DDI2: variants seen among roughly 807,000 people sequenced by gnomAD.
The protein encoded by DDI2 is DDI proteasomal shuttling factor 2.
DDI2 carries 5 observed loss-of-function variants against 48.1 expected under a neutral mutation model. The ratio of observed to expected loss-of-function variants is 0.10; its 90% CI spans 0.05 to 0.22. The LOEUF is 0.22. DDI2 is among the 10% of genes least tolerant of loss of function. DDI2 has a pLI of 1.00. For synonymous variants in DDI2, 205 were observed against 183.6 expected (o/e 1.12, Z -0.94); for missense variants, 285 against 506.2 (o/e 0.56, Z 4.19).
At chr1:15,638,529 AC>A in intron 5 of DDI2, 95 bp downstream of exon 5, 154 of 787,746 alleles carry the variant, frequency 2.0e-4, no homozygotes, top group South Asian at 4.2e-4. Flanking sequence ...AGATGGCTGT[AC>A]TTTTTTTTTT....
Position 15,661,223 on chromosome 1 carries a change from G to A in DDI2, c.*1433G>A. 1 of 1,614,132 alleles carries A rather than the reference G, an allele frequency of 6.2e-7. No homozygotes were observed. The highest frequency in any genetic ancestry group is 1.7e-5 in the Admixed American group (1 of 60,010). On this transcript the variant is annotated 3_prime_UTR_variant, in exon 10 of 10. Coordinates refer to ENST00000480945, the MANE Select transcript of DDI2 (RefSeq NM_032341.5). ...GTAAACTTCAGGAGTCTAGGTGATG[G>A]CCTGTCAACCGATAAGGAAGGTGTC...
chr1:15,649,671 C>G (rs1158797050), intron 6 of DDI2, 49 bp from the exon 7 acceptor site: 2 of 1,572,994 alleles, frequency 1.3e-6, no homozygotes, highest in Non-Finnish European at 1.7e-6. Flanking sequence ...AACTCCGTCT[C>G]TGTTTTGAAG....
At chr1:15,635,174 A>G (rs925020928) in intron 4 of DDI2, among the ~76,000 whole-genome samples, 2 of 151,896 alleles carry the variant, frequency 1.3e-5, no homozygotes, top group African/African-American at 4.8e-5. Flanking sequence ...GGCTGCAGTA[A>G]GCTATGATTG....
intron 1 of DDI2, 128 bp from the exon 2 acceptor site, chr1:15,626,541 T>A: frequency 7.6e-7 from 1 of 1,319,310 alleles, no homozygotes; most frequent in Non-Finnish European, 1.0e-6. Flanking sequence ...TTGTTCTGGA[T>A]GTGGTGGGAA....
chr1:15,622,041 A>G (rs1301411900), intron 1 of DDI2, among the ~76,000 whole-genome samples: 3 of 152,128 alleles, frequency 2.0e-5, no homozygotes, highest in African/African-American at 7.2e-5. Flanking sequence ...GTAATTCCAA[A>G]TGTTTTGTGG....
intron 9 of DDI2, among the ~76,000 whole-genome samples, chr1:15,658,566 C>T (rs1432346625): frequency 1.3e-5 from 2 of 151,210 alleles, no homozygotes; most frequent in African/African-American, 4.8e-5. Context: ...AGTTTGAGAC[C>T]ACCCTGACCA....
At chr1:15,636,702 C>T (rs1046259846) in intron 4 of DDI2, among the ~76,000 whole-genome samples, 4 of 152,174 alleles carry the variant, frequency 2.6e-5, no homozygotes, top group African/African-American at 9.7e-5. Context: ...TCAAGTGATC[C>T]GCCTGCCTTG....
At chr1:15,629,309 G>A (rs1639807136) in intron 2 of DDI2, among the ~76,000 whole-genome samples, 1 of 152,050 alleles carries the variant, frequency 6.6e-6, no homozygotes, top group Non-Finnish European at 1.5e-5. Context: ...AATATCCTTT[G>A]ATCCGGCCGG....
intron 9 of DDI2, 87 bp from the exon 10 acceptor site, chr1:15,659,750 C>T (rs189335043): frequency 5.8e-5 from 78 of 1,354,448 alleles, no homozygotes; most frequent in African/African-American, 2.8e-4. Flanking sequence ...TTTTATTCTA[C>T]GCTGTTTAGA....
chr1:15,642,193 A>G (rs77794712), intron 5 of DDI2, among the ~76,000 whole-genome samples: 87 of 152,312 alleles, frequency 5.7e-4, no homozygotes, highest in East Asian at 1.9e-3. Context: ...TGTCCAGTGC[A>G]CAAGAATGTA....
rs1639758157 is a variant in DDI2 at position 15,626,581 on chromosome 1, A to G, written c.139-88A>G. On this transcript the variant is annotated intron_variant, in intron 1 of 9. Transcript: ENST00000480945. ...CTGGAGGGTTTGAAAGGAGGGTGAC[A>G]TCTGATTCAGGGGAAAACTGGTCCT... 10 of 1,563,230 alleles carry G rather than the reference A, an allele frequency of 6.4e-6. 1 individual carries two copies. In the South Asian group the frequency reaches 1.1e-4, roughly 17 times the overall value.
rs148299807 is a variant in DDI2, at chr1:15,638,403, T to C, written c.729T>C (p.Asn243=). The change falls in exon 5 of 10, where the codon AAT becomes AAC. Residue 243 remains asparagine (N), a synonymous_variant. Coordinates refer to ENST00000480945, the MANE Select transcript of DDI2 (RefSeq NM_032341.5). ...TGCTTTATATTAACTGCAAAGTGAA[T>C]GGACATCCTGTGAAAGCCTTTGTTG... ...VVMLYINCKV[N]GHPVKAFVDS... 48 of 1,613,918 alleles carry C rather than the reference T, an allele frequency of 3.0e-5. No individual in the cohort carries two copies. The highest frequency in any genetic ancestry group is 6.8e-6 in the Non-Finnish European group (8 of 1,179,966).
chr1:15,656,003 A>T (rs1640269244), intron 8 of DDI2, among the ~76,000 whole-genome samples: 2 of 152,132 alleles, frequency 1.3e-5, no homozygotes, highest in African/African-American at 4.8e-5. Context: ...TGTTTTAAAA[A>T]AAAAACATGT....
At position 15,660,029 on chromosome 1, in the gene DDI2, A is replaced by C; in HGVS notation, c.*239A>C. 1 of 1,614,120 alleles carries C rather than the reference A, an allele frequency of 6.2e-7. No homozygotes were observed. The highest frequency in any genetic ancestry group is 8.5e-7 in the Non-Finnish European group (1 of 1,180,012). ...GATCGCATTGAACCTAAAGCTGTGA[A>C]GGCTTTGAAGGCTTCAGCTGAATTC... is the stretch of plus-strand genomic sequence containing the variant. On this transcript the variant is annotated 3_prime_UTR_variant, in exon 10 of 10. Coordinates refer to ENST00000480945, the MANE Select transcript of DDI2 (RefSeq NM_032341.5).
chr1:15,638,725 G>T (rs186441819), intron 5 of DDI2, among the ~76,000 whole-genome samples: 3 of 151,956 alleles, frequency 2.0e-5, no homozygotes, highest in Admixed American at 2.0e-4. Flanking sequence ...AGTAGAGATG[G>T]GGTTTCACCG....
In DDI2 at chr1:15,665,736, T is replaced by C. The variant is rs1640443421; in HGVS notation, c.*5946T>C. 6.6e-6 allele frequency: 1 copy of C among 152,198 alleles called. No individual in the cohort carries two copies. Among genetic ancestry groups the C allele is most frequent in the Non-Finnish European group, 1.5e-5 (1 of 68,048 alleles). 9.4% of individuals were successfully genotyped at this position (152,198 alleles called of 1,614,324 possible). ...CGCCACATATATAAATATATATATA[T>C]ATAGCAAACAGCCTTGCAAATCATC... On this transcript the variant is annotated 3_prime_UTR_variant, in exon 10 of 10. Coordinates refer to ENST00000480945, the MANE Select transcript of DDI2 (RefSeq NM_032341.5).
At chr1:15,656,458 C>G in intron 8 of DDI2, 159 bp from the exon 9 acceptor site, 1 of 1,516,162 alleles carries the variant, frequency 6.6e-7, no homozygotes, top group Non-Finnish European at 8.8e-7. Flanking sequence ...AAGCAACCAA[C>G]AAATATTTTG....
intron 1 of DDI2, among the ~76,000 whole-genome samples, chr1:15,623,004 A>G (rs774471104): frequency 2.0e-5 from 3 of 152,294 alleles, no homozygotes; most frequent in South Asian, 2.1e-4. Context: ...GACATGCTCA[A>G]TGTGGTGGTT....
At chr1:15,631,763 C>T (rs1423315448) in intron 3 of DDI2, among the ~76,000 whole-genome samples, 1 of 151,648 alleles carries the variant, frequency 6.6e-6, no homozygotes, top group South Asian at 2.1e-4. Context: ...TTTTAAACTT[C>T]ATGTATATGG....
Sources: allele counts gnomAD v4.1 joint callset (sites outside exome capture counted in the v4.1 genomes callset), GRCh38; gene constraint gnomAD v4.1.1; transcripts MANE v1.5; gene names NCBI Gene and HGNC (gene_info 2026-07-23, HGNC 2026-07-21).